The following NUFIP1 variants were observed in gnomAD, a reference collection of about 807,000 sequenced individuals.
NUFIP1 encodes nuclear FMR1 interacting protein 1.
A neutral mutation model predicts 56.2 loss-of-function variants in NUFIP1; 38 were observed. The observed-to-expected ratio is 0.68, with a 90% CI of 0.52 to 0.89. NUFIP1 has a LOEUF of 0.89. Among genes scored for constraint, NUFIP1 ranks in the 40% least tolerant of loss-of-function variants. The probability of loss-of-function intolerance (pLI) is 0.00; values close to 1 mark genes in which losing one functional copy is unlikely to be tolerated. For synonymous variants in NUFIP1, 215 were observed against 212.4 expected (o/e 1.01, Z -0.10); for missense variants, 567 against 605.8 (o/e 0.94, Z 0.67).
In NUFIP1 at chr13:44,982,137, G is replaced by C. The variant is rs770694102; in HGVS notation, c.430C>G (p.Pro144Ala). ...FNPAVKNSYYPRKYDAKFTDF... is the reference protein window; with the variant it reads ...FNPAVKNSYYARKYDAKFTDF... ...GTGAATTTTGCATCATACTTTCGTG[G>C]ATAATAAGAATTTTTAACTAAAAAA... The change falls in exon 2 of 10, where the codon CCA becomes GCA. Residue 144 changes from proline to alanine, a missense_variant. Coordinates refer to ENST00000379161, the MANE Select transcript of NUFIP1 (RefSeq NM_012345.3). 2.7e-6 allele frequency: 4 copies of C among 1,467,568 alleles called. No homozygotes were observed. In the South Asian group the frequency reaches 6.3e-5, roughly 23 times the overall value. The allele number at this position is 1,467,568 out of a possible 1,614,324, so 90.9% of individuals were successfully genotyped here. A position where few individuals can be genotyped will look rare whatever the true frequency, so the allele number is the denominator to read the frequency against.
intron 5 of NUFIP1, 99 bp downstream of exon 5, chr13:44,979,091 C>T: frequency 1.1e-6 from 1 of 945,946 alleles, no homozygotes; most frequent in Non-Finnish European, 1.6e-6. Context: ...GGTCCTCTTC[C>T]CTAGTTCCAA....
intron 7 of NUFIP1, among the ~76,000 whole-genome samples, chr13:44,952,097 C>A (rs556745212): frequency 8.5e-5 from 13 of 152,220 alleles, no homozygotes; most frequent in Admixed American, 5.2e-4. Context: ...TTTCTGACCA[C>A]CATTCTCTAT....
At chr13:44,953,549 G>T (rs977173346) in intron 7 of NUFIP1, among the ~76,000 whole-genome samples, 2 of 152,058 alleles carry the variant, frequency 1.3e-5, no homozygotes, top group Non-Finnish European at 2.9e-5. Context: ...TATTCTGAGG[G>T]TTATAATTTA....
intron 9 of NUFIP1, among the ~76,000 whole-genome samples, chr13:44,943,025 G>A (rs1189197632): frequency 1.3e-5 from 2 of 149,860 alleles, no homozygotes; most frequent in Admixed American, 6.6e-5. Context: ...AATCCCAGAA[G>A]ATAACAAATG....
intron 7 of NUFIP1, among the ~76,000 whole-genome samples, chr13:44,956,158 A>AAAAAG (rs1555250819): frequency 0.019 from 2,922 of 150,898 alleles, 47 homozygotes; most frequent in Middle Eastern, 0.045. Context: ...AAAAAAAAAA[A>AAAAAG]AAAAGAATCT....
At chr13:44,984,558 C>G (rs1456183321) in intron 1 of NUFIP1, among the ~76,000 whole-genome samples, 1 of 152,104 alleles carries the variant, frequency 6.6e-6, no homozygotes, top group African/African-American at 2.4e-5. Flanking sequence ...AGAAGGATCC[C>G]TTGAACCCAG....
At position 44,979,099 on chromosome 13, in the gene NUFIP1, C is replaced by T. The variant is rs1872089808; in HGVS notation, c.734+91G>A. ...GCCTTATGGTCCTCTTCCCTAGTTC[C>T]AACATTCTAAGGGAATTCAATGAAT... On this transcript the variant is annotated intron_variant, in intron 5 of 9. Transcript: ENST00000379161. 2.9e-6 allele frequency: 3 copies of T among 1,044,056 alleles called. No individual in the cohort carries two copies. The Admixed American group carries it at 6.7e-5, about 23-fold the overall frequency. The allele number at this position is 1,044,056 out of a possible 1,614,324, so 64.7% of individuals were successfully genotyped here. A position where few individuals can be genotyped will look rare whatever the true frequency, so the allele number is the denominator to read the frequency against.
At position 44,943,567 on chromosome 13, in the gene NUFIP1, A is replaced by C. The variant is rs753787651; in HGVS notation, c.1246T>G (p.Ser416Ala). 1 of 1,614,132 alleles carries C rather than the reference A, an allele frequency of 6.2e-7. No homozygotes were observed. Among genetic ancestry groups the C allele is most frequent in the Non-Finnish European group, 8.5e-7 (1 of 1,179,996 alleles). Residue 416 changes from serine to alanine, a missense_variant, in exon 9 of 10, where the codon TCA (serine) becomes GCA (alanine). By Grantham distance (99) the Ser-to-Ala change is moderately conservative. Coordinates refer to ENST00000379161, the MANE Select transcript of NUFIP1 (RefSeq NM_012345.3). The part of the protein sequence containing the change: ...QDVKATVRNF[S>A]EAKSENRKKS... ...TTTCGGTTCTCACTCTTGGCTTCTG[A>C]AAAATTTCTAACAGTTGCTTTAACA...
intron 7 of NUFIP1, among the ~76,000 whole-genome samples, chr13:44,958,395 G>C (rs1035774683): frequency 2.0e-5 from 3 of 152,128 alleles, no homozygotes; most frequent in Admixed American, 6.5e-5. Flanking sequence ...AAAGCATATA[G>C]AGCTCAGTAA....
intron 9 of NUFIP1, 142 bp from the exon 10 acceptor site, chr13:44,941,464 A>T (rs1181885816): frequency 3.7e-6 from 2 of 538,112 alleles, no homozygotes; most frequent in Middle Eastern, 3.1e-4. Flanking sequence ...TTGCTAAAAA[A>T]CGATGCAAGA....
At chr13:44,968,534 G>A (rs1384246875) in intron 5 of NUFIP1, among the ~76,000 whole-genome samples, 2 of 152,048 alleles carry the variant, frequency 1.3e-5, no homozygotes, top group African/African-American at 2.4e-5. Context: ...GATGAGAAGC[G>A]ACAATAAAAA....
chr13:44,942,082 G>A, intron 9 of NUFIP1, among the ~76,000 whole-genome samples: 1 of 152,038 alleles, frequency 6.6e-6, no homozygotes, highest in East Asian at 1.9e-4. Context: ...TAAAAAGTCT[G>A]CAATTCTTTA....
intron 1 of NUFIP1, among the ~76,000 whole-genome samples, chr13:44,984,740 G>A (rs1360525595): frequency 6.6e-6 from 1 of 151,928 alleles, no homozygotes; most frequent in Non-Finnish European, 1.5e-5. Flanking sequence ...TTAAGTTTTA[G>A]GGTACGTGTG....
At chr13:44,988,528 A>G (rs1872517912) in intron 1 of NUFIP1, among the ~76,000 whole-genome samples, 1 of 152,186 alleles carries the variant, frequency 6.6e-6, no homozygotes, top group Admixed American at 6.5e-5. Context: ...ATGCCACTCA[A>G]CCTTCTAATG....
chr13:44,971,244 T>G (rs2137914907), intron 5 of NUFIP1, among the ~76,000 whole-genome samples: 1 of 152,156 alleles, frequency 6.6e-6, no homozygotes, highest in Non-Finnish European at 1.5e-5. Flanking sequence ...TAAATAAACT[T>G]CATCCAAAAT....
At chr13:44,942,936 A>T (rs1407510802) in intron 9 of NUFIP1, among the ~76,000 whole-genome samples, 1 of 151,012 alleles carries the variant, frequency 6.6e-6, no homozygotes, top group Non-Finnish European at 1.5e-5. Flanking sequence ...ACTACACTCC[A>T]GCTTGGGTGA....
Position 44,989,233 on chromosome 13 carries a change from G to A in NUFIP1, c.204C>T (p.Pro68=), listed in dbSNP as rs752198049. The change falls in exon 1 of 10, where the codon CCC becomes CCT. Residue 68 remains proline, a synonymous_variant. Transcript: ENST00000379161. The part of the protein sequence containing the change: ...GSKPSSESQP[P]MEAQSLPGAP... Reference sequence around the variant, plus strand: ...CCCCGGGGAGAGACTGGGCCTCCATGGGGGGCTGCGACTCAGAGGAAGGCT... The same window carrying A: ...CCCCGGGGAGAGACTGGGCCTCCATAGGGGGCTGCGACTCAGAGGAAGGCT... The A allele has an allele frequency of 1.0e-4, 163 of 1,612,358 alleles. No homozygotes were observed. The highest frequency in any genetic ancestry group is 1.3e-4 in the Non-Finnish European group (148 of 1,179,254).
chr13:44,979,007 C>T (rs1160072035), intron 5 of NUFIP1, among the ~76,000 whole-genome samples, 183 bp downstream of exon 5: 1 of 152,178 alleles, frequency 6.6e-6, no homozygotes, highest in Non-Finnish European at 1.5e-5. Context: ...GACACATTTG[C>T]TACTTAAATG....
chr13:44,956,064 A>AC (rs1326334010), intron 7 of NUFIP1, among the ~76,000 whole-genome samples: 2 of 144,240 alleles, frequency 1.4e-5, no homozygotes, highest in East Asian at 2.1e-4. Flanking sequence ...AATGGTGTGA[A>AC]CCCCAGGGGG....
Sources: gnomAD v4.1 joint callset for allele counts (sites outside exome capture counted in the v4.1 genomes callset) on GRCh38, gnomAD v4.1.1 for gene constraint, MANE v1.5 for transcripts, NCBI Gene and HGNC (gene_info 2026-07-23, HGNC 2026-07-21) for gene names.